CDH13: variants seen among roughly 807,000 people sequenced by gnomAD.
The protein encoded by CDH13 is cadherin-13.
In CDH13, 24 loss-of-function variants were observed where a neutral mutation model predicts 63.8. The ratio of observed to expected loss-of-function variants is 0.38; its 90% CI spans 0.27 to 0.53. CDH13 has a LOEUF of 0.53. Ranked by LOEUF, CDH13 falls within the 20% of genes least tolerant of loss-of-function variation. The probability of loss-of-function intolerance (pLI) is 0.85; values close to 1 mark genes in which losing one functional copy is unlikely to be tolerated. For missense variants in CDH13, 1,049 were observed against 903.1 expected, an observed-to-expected ratio of 1.16 and a Z score of -2.07; for synonymous variants, 503 against 355.3, an observed-to-expected ratio of 1.42 and a Z score of -4.67.
At chr16:83,762,392 A>G (rs1322374938) in intron 11 of CDH13, among the ~76,000 whole-genome samples, 1 of 152,172 alleles carries the variant, frequency 6.6e-6, no homozygotes, top group Non-Finnish European at 1.5e-5. Context: ...GATAAAATAA[A>G]AAAAACTGTT....
At chr16:83,736,160 A>G (rs936736608) in intron 10 of CDH13, among the ~76,000 whole-genome samples, 8 of 152,194 alleles carry the variant, frequency 5.3e-5, no homozygotes, top group African/African-American at 1.9e-4. Context: ...TTGATCAGTC[A>G]TTAATAATGA....
chr16:82,688,960 A>C (rs1915359764), intron 1 of CDH13: 1 of 152,108 alleles, frequency 6.6e-6, no homozygotes, highest in Non-Finnish European at 1.5e-5. Context: ...GACATTAAAG[A>C]TCCAGGCCCC....
chr16:82,823,124 G>C (rs1052690018), intron 1 of CDH13: 1 of 152,254 alleles, frequency 6.6e-6, no homozygotes, highest in Non-Finnish European at 1.5e-5. Flanking sequence ...TTCCAAGAGA[G>C]AGGCTGGACA....
chr16:83,046,484 C>T (rs1013330233), intron 3 of CDH13, among the ~76,000 whole-genome samples: 2 of 151,994 alleles, frequency 1.3e-5, no homozygotes, highest in African/African-American at 2.4e-5. Flanking sequence ...AAATAATATC[C>T]CATATATGTT....
intron 10 of CDH13, among the ~76,000 whole-genome samples, chr16:83,736,851 G>A (rs1474864326): frequency 6.6e-6 from 1 of 152,180 alleles, no homozygotes; most frequent in East Asian, 1.9e-4. Flanking sequence ...CGAACAAGAC[G>A]CCCGGTATGA....
At chr16:83,093,963 G>C (rs1567823053) in intron 3 of CDH13, among the ~76,000 whole-genome samples, 1 of 152,190 alleles carries the variant, frequency 6.6e-6, no homozygotes, top group Non-Finnish European at 1.5e-5. Context: ...GGAGAGAAGA[G>C]TTACAGAAAT....
At chr16:83,557,859 C>G (rs2075633650) in intron 7 of CDH13, among the ~76,000 whole-genome samples, 1 of 152,030 alleles carries the variant, frequency 6.6e-6, no homozygotes, top group African/African-American at 2.4e-5. Context: ...GCACATGCTT[C>G]GATCATTTTG....
At chr16:83,483,441 C>G (rs1244039423) in intron 6 of CDH13, among the ~76,000 whole-genome samples, 5 of 149,854 alleles carry the variant, frequency 3.3e-5, no homozygotes, top group African/African-American at 1.2e-4. Context: ...CTGATGAAAA[C>G]TAAAGACTCA....
intron 6 of CDH13, among the ~76,000 whole-genome samples, chr16:83,390,804 C>T (rs1371504647): frequency 6.6e-6 from 1 of 152,116 alleles, no homozygotes; most frequent in Admixed American, 6.5e-5. Context: ...ATTTATTCAG[C>T]CGAGGTAGCT....
At chr16:83,698,872 C>CA (rs1198515475) in intron 10 of CDH13, among the ~76,000 whole-genome samples, 4 of 152,276 alleles carry the variant, frequency 2.6e-5, no homozygotes, top group African/African-American at 4.8e-5. Context: ...AAAGCTGCCA[C>CA]ATCTGTGAAT....
At chr16:83,094,161 G>A (rs1015804648) in intron 3 of CDH13, among the ~76,000 whole-genome samples, 3 of 152,170 alleles carry the variant, frequency 2.0e-5, no homozygotes, top group African/African-American at 7.2e-5. Context: ...TAACTGCAAA[G>A]CAAAGTAGAA....
chr16:83,626,726 G>A (rs2150786357), intron 8 of CDH13, among the ~76,000 whole-genome samples: 1 of 152,160 alleles, frequency 6.6e-6, no homozygotes, highest in Non-Finnish European at 1.5e-5. Flanking sequence ...AATAAATCCT[G>A]CTGGAAGAAG....
At chr16:82,894,850 A>G (rs764304034) in intron 2 of CDH13, among the ~76,000 whole-genome samples, 1 of 152,190 alleles carries the variant, frequency 6.6e-6, no homozygotes, top group African/African-American at 2.4e-5. Flanking sequence ...CTAACCAGAG[A>G]GGAAGACTAT....
intron 8 of CDH13, among the ~76,000 whole-genome samples, chr16:83,668,806 G>C (rs1914237588): frequency 6.6e-6 from 1 of 152,166 alleles, no homozygotes; most frequent in South Asian, 2.1e-4. Context: ...GTAATATGAA[G>C]GGATTAGATC....
chr16:82,684,868 T>G (rs1041557073), intron 1 of CDH13, among the ~76,000 whole-genome samples: 3 of 152,094 alleles, frequency 2.0e-5, no homozygotes, highest in Non-Finnish European at 4.4e-5. Context: ...CTGAGGAAGA[T>G]AAGGGTGGAG....
intron 7 of CDH13, among the ~76,000 whole-genome samples, chr16:83,557,639 A>C (rs1313952236): frequency 6.6e-6 from 1 of 152,142 alleles, no homozygotes; most frequent in African/African-American, 2.4e-5. Flanking sequence ...TTGTTATAGG[A>C]AATGCCCTGG....
intron 10 of CDH13, among the ~76,000 whole-genome samples, chr16:83,683,755 A>G (rs543308175): frequency 3.7e-4 from 57 of 152,328 alleles, no homozygotes; most frequent in African/African-American, 1.3e-3. Flanking sequence ...GGTTGAGCAA[A>G]AGTATTACTG....
Position 82,745,603 on chromosome 16 carries a change from C to CA in CDH13, c.46-112751dup, listed in dbSNP as rs568980617. Among the ~76,000 whole-genome samples, 188 of 151,310 alleles carry CA rather than the reference C, an allele frequency of 1.2e-3. 1 individual carries two copies. The highest frequency in any genetic ancestry group is 6.3e-3 in the South Asian group (30 of 4,770). On this transcript the variant is annotated intron_variant, in intron 1 of 13. Transcript: ENST00000567109. ...TGGGTGACAGAGCGAGACTCTGTCT[C>CA]AAAAAAAAGTCTTACTGTACCATAT...
At chr16:83,046,257 T>C (rs1177360803) in intron 3 of CDH13, among the ~76,000 whole-genome samples, 3 of 152,220 alleles carry the variant, frequency 2.0e-5, no homozygotes, top group African/African-American at 7.2e-5. Context: ...GCAGATATTG[T>C]TATTTGCTGA....
Sources: allele counts gnomAD v4.1 joint callset (sites outside exome capture counted in the v4.1 genomes callset), GRCh38; gene constraint gnomAD v4.1.1; transcripts MANE v1.5; gene names NCBI Gene and HGNC (gene_info 2026-07-23, HGNC 2026-07-21).